Variants in NAV3 observed in about 807,000 individuals in gnomAD.
The protein encoded by NAV3 is neuron navigator 3.
NAV3 carries 87 observed loss-of-function variants against 244.7 expected under a neutral mutation model. That is an observed-to-expected ratio of 0.36 (90% CI 0.30 to 0.42). The LOEUF (loss-of-function observed/expected upper bound fraction) is 0.42, where lower values mean the gene tolerates loss of function less well. Among genes scored for constraint, NAV3 ranks in the 20% least tolerant of loss-of-function variants. The probability of loss-of-function intolerance (pLI) is 1.00; values close to 1 mark genes in which losing one functional copy is unlikely to be tolerated. For missense variants in NAV3, 2,663 were observed against 2,893.3 expected, an observed-to-expected ratio of 0.92 and a Z score of 1.83; for synonymous variants, 1,126 against 1,042.2, an observed-to-expected ratio of 1.08 and a Z score of -1.55.
chr12:78,148,744 G>T, intron 21 of NAV3, 98 bp from the exon 22 acceptor site: 1 of 1,011,340 alleles, frequency 9.9e-7, no homozygotes, highest in Non-Finnish European at 1.5e-6. Context: ...AATGGGGTTA[G>T]AATGAGCTAA....
chr12:77,579,274 A>T (rs981472251), intron 2 of NAV3, among the ~76,000 whole-genome samples: 4 of 152,240 alleles, frequency 2.6e-5, no homozygotes, highest in African/African-American at 9.6e-5. Context: ...TTGCCCAAAG[A>T]TGGGAACCCT....
intron 2 of NAV3, among the ~76,000 whole-genome samples, chr12:77,681,197 C>T (rs1874441007): frequency 6.6e-6 from 1 of 152,102 alleles, no homozygotes; most frequent in Non-Finnish European, 1.5e-5. Context: ...GTAAGTTCTC[C>T]AACTTACTTC....
At chr12:77,810,968 TGTGACTACTG>T (rs1379849030) in intron 2 of NAV3, among the ~76,000 whole-genome samples, 1 of 152,228 alleles carries the variant, frequency 6.6e-6, no homozygotes, top group African/African-American at 2.4e-5. Context: ...GATCCCCTGA[TGTGACTACTG>T]GTAACAAATA....
At chr12:77,790,414 C>T (rs1196233285) in intron 2 of NAV3, among the ~76,000 whole-genome samples, 1 of 152,130 alleles carries the variant, frequency 6.6e-6, no homozygotes. Context: ...CTAGATTGTT[C>T]TGGGTATAAG....
chr12:77,936,753 A>G (rs1485498378), intron 1 of NAV3, among the ~76,000 whole-genome samples: 1 of 152,164 alleles, frequency 6.6e-6, no homozygotes, highest in Admixed American at 6.6e-5. Context: ...ATTTATTTAA[A>G]GATCACATTC....
chr12:78,192,697 A>T (rs1162998665), intron 34 of NAV3, among the ~76,000 whole-genome samples: 1 of 152,114 alleles, frequency 6.6e-6, no homozygotes, highest in Non-Finnish European at 1.5e-5. Flanking sequence ...GGCATGAGCC[A>T]CTGTGCCCAG....
At chr12:77,989,464 ACC>A (rs1491389694) in intron 5 of NAV3, among the ~76,000 whole-genome samples, 2 of 152,128 alleles carry the variant, frequency 1.3e-5, no homozygotes, top group African/African-American at 2.4e-5. Context: ...CAACCAACCA[ACC>A]AACCAAACAA....
chr12:77,598,819 C>G (rs1401612218), intron 2 of NAV3, among the ~76,000 whole-genome samples: 1 of 151,830 alleles, frequency 6.6e-6, no homozygotes, highest in Non-Finnish European at 1.5e-5. Context: ...ACCCATGTCC[C>G]TTTGGGTTTT....
chr12:77,913,328 T>C (rs976943833), intron 1 of NAV3, among the ~76,000 whole-genome samples: 3 of 152,074 alleles, frequency 2.0e-5, no homozygotes, highest in African/African-American at 4.8e-5. Context: ...ATTAAACTTA[T>C]AGTAGTTTAT....
At chr12:78,122,531 G>C (rs1955720039) in intron 16 of NAV3, 103 bp downstream of exon 16, 1 of 1,387,716 alleles carries the variant, frequency 7.2e-7, no homozygotes. Context: ...GAGTGCCCCG[G>C]TGCAAAAAGA....
In NAV3 at chr12:78,212,621, A is replaced by G. The variant is rs1345125718; in HGVS notation, c.*2104A>G. ...AATATGTGATCTAAGAAAATTGCTAATCTTTCCCTGCCATTTTGAGAAACA... is the reference window on the plus strand; with the variant it reads ...AATATGTGATCTAAGAAAATTGCTAGTCTTTCCCTGCCATTTTGAGAAACA... On this transcript the variant is annotated 3_prime_UTR_variant, in exon 40 of 40. Coordinates refer to ENST00000397909, the MANE Select transcript of NAV3 (RefSeq NM_001024383.2). 6.6e-6 allele frequency: 1 copy of G among 152,644 alleles called. No individual in the cohort carries two copies. The highest frequency in any genetic ancestry group is 1.5e-5 in the Non-Finnish European group (1 of 68,038). The allele number at this position is 152,644 out of a possible 1,614,324, so 9.5% of individuals were successfully genotyped here.
At chr12:77,586,298 G>T (rs946295102) in intron 2 of NAV3, among the ~76,000 whole-genome samples, 5 of 152,058 alleles carry the variant, frequency 3.3e-5, no homozygotes, top group Non-Finnish European at 7.4e-5. Flanking sequence ...TTTGATGCTT[G>T]GGAAAGCACT....
intron 30 of NAV3, among the ~76,000 whole-genome samples, chr12:78,181,574 A>G (rs1027211036): frequency 1.3e-5 from 2 of 152,106 alleles, no homozygotes; most frequent in East Asian, 1.9e-4. Context: ...ATTTGATTGC[A>G]AATAGAATCA....
At chr12:77,733,165 G>T (rs1877196866) in intron 2 of NAV3, among the ~76,000 whole-genome samples, 1 of 152,022 alleles carries the variant, frequency 6.6e-6, no homozygotes, top group Non-Finnish European at 1.5e-5. Context: ...ACTGGCATTG[G>T]TTGAGGCAAA....
In NAV3 at chr12:78,142,723, A is replaced by ATG. The variant is rs34539948; in HGVS notation, c.4683+2403_4683+2404dup. Among the ~76,000 whole-genome samples, 126 of 106,230 alleles carry ATG rather than the reference A, an allele frequency of 1.2e-3. 8 individuals carry two copies. In the East Asian group the frequency reaches 0.026, roughly 22 times the overall value. The allele number at this position is 106,230 out of a possible 152,430, so 69.7% of individuals were successfully genotyped here. The stretch of plus-strand genomic sequence containing the variant: ...TGTATGTGTATATATATACATATAT[A>ATG]TGTGTGTGTGTGTGTATATATATAT... On this transcript the variant is annotated intron_variant, in intron 20 of 39. Coordinates refer to ENST00000397909, the MANE Select transcript of NAV3 (RefSeq NM_001024383.2).
chr12:77,911,065 G>C (rs1348303576), intron 1 of NAV3, among the ~76,000 whole-genome samples: 1 of 152,170 alleles, frequency 6.6e-6, no homozygotes, highest in Non-Finnish European at 1.5e-5. Context: ...GGGAAGTACT[G>C]TGTTTACTAT....
Position 78,179,694 on chromosome 12 carries a change from A to T in NAV3, c.5517+12A>T, listed in dbSNP as rs549077421. The T allele has an allele frequency of 6.2e-7, 1 of 1,600,340 alleles. No homozygotes were observed. On this transcript the variant is annotated intron_variant, in intron 29 of 39. Coordinates refer to ENST00000397909, the MANE Select transcript of NAV3 (RefSeq NM_001024383.2). ...TGAACCGGATGCAGGTTGGTACTGA[A>T]GCACTTTCAAGGAATAAAATGGAGA...
intron 2 of NAV3, among the ~76,000 whole-genome samples, chr12:77,650,048 C>T (rs1414932406): frequency 6.6e-6 from 1 of 152,084 alleles, no homozygotes; most frequent in Non-Finnish European, 1.5e-5. Context: ...GTTTGCCTTC[C>T]CTAGATTTGA....
chr12:77,743,824 C>G (rs1238344180), intron 2 of NAV3, among the ~76,000 whole-genome samples: 1 of 151,642 alleles, frequency 6.6e-6, no homozygotes, highest in South Asian at 2.1e-4. Flanking sequence ...TCTCCATAAT[C>G]ATTTGCTGTG....
Sources: gnomAD v4.1 joint callset for allele counts (sites outside exome capture counted in the v4.1 genomes callset) on GRCh38, gnomAD v4.1.1 for gene constraint, MANE v1.5 for transcripts, NCBI Gene and HGNC (gene_info 2026-07-23, HGNC 2026-07-21) for gene names.